PATJ: variants seen among roughly 807,000 people sequenced by gnomAD.
The protein encoded by PATJ is inaD-like protein.
A neutral mutation model predicts 224.9 loss-of-function variants in PATJ; 190 were observed. The observed-to-expected ratio is 0.84, with a 90% CI of 0.75 to 0.95. The LOEUF (loss-of-function observed/expected upper bound fraction) is 0.95, where lower values mean the gene tolerates loss of function less well. Ranked by LOEUF, PATJ falls within the 40% of genes least tolerant of loss-of-function variation. PATJ has a pLI of 0.00. For missense variants in PATJ, 2,121 were observed against 2,270.3 expected, an observed-to-expected ratio of 0.93 and a Z score of 1.34; for synonymous variants, 769 against 820.3, an observed-to-expected ratio of 0.94 and a Z score of 1.07.
chr1:61,990,113 C>T, intron 27 of PATJ, 55 bp from the exon 28 acceptor site: 1 of 1,257,600 alleles, frequency 8.0e-7, no homozygotes, highest in Non-Finnish European at 1.1e-6. Context: ...ATGCTGACAT[C>T]TCAATAATAC....
rs185797985 is a variant in PATJ at position 62,033,985 on chromosome 1, C to T, written c.3960-3992C>T. 3.0e-4 allele frequency among the ~76,000 whole-genome samples: 45 copies of T among 152,218 alleles called. 1 individual carries two copies. In the East Asian group the frequency reaches 5.0e-3, roughly 17 times the overall value. On this transcript the variant is annotated intron_variant, in intron 29 of 43. Coordinates refer to ENST00000642238, the MANE Select transcript of PATJ (RefSeq NM_001350145.3). Reference sequence around the variant, plus strand: ...CAATGAGGACACACATGCAGTGTTCCGTGCTCTGGAAAACAGGTCTCACCC... The same window carrying T: ...CAATGAGGACACACATGCAGTGTTCTGTGCTCTGGAAAACAGGTCTCACCC...
intron 22 of PATJ, 68 bp from the exon 23 acceptor site, chr1:61,899,515 C>T (rs1670827083): frequency 9.6e-7 from 1 of 1,046,464 alleles, no homozygotes; most frequent in South Asian, 1.8e-5. Flanking sequence ...ATTTCAAAAC[C>T]TTCCAAGGAC....
intron 14 of PATJ, among the ~76,000 whole-genome samples, chr1:61,814,917 A>G (rs1655798066): frequency 6.6e-6 from 1 of 152,136 alleles, no homozygotes; most frequent in African/African-American, 2.4e-5. Flanking sequence ...TGAACTATTT[A>G]CTGAGCTCCT....
intron 8 of PATJ, among the ~76,000 whole-genome samples, chr1:61,788,646 A>C (rs1013486376): frequency 1.3e-5 from 2 of 151,920 alleles, no homozygotes; most frequent in African/African-American, 4.8e-5. Flanking sequence ...CAAAGAAATA[A>C]GTTTTTTGTT....
chr1:62,014,409 T>G (rs577587197), intron 28 of PATJ, among the ~76,000 whole-genome samples: 6 of 152,108 alleles, frequency 3.9e-5, no homozygotes, highest in Non-Finnish European at 7.3e-5. Flanking sequence ...TAATTATAAA[T>G]TAACGAGATT....
intron 27 of PATJ, among the ~76,000 whole-genome samples, chr1:61,930,497 G>A (rs575454304): frequency 6.6e-5 from 10 of 152,274 alleles, no homozygotes; most frequent in South Asian, 4.1e-4. Flanking sequence ...ATTCTGAAGC[G>A]GATGGCTGCA....
intron 41 of PATJ, among the ~76,000 whole-genome samples, chr1:62,130,562 A>T (rs1397407794): frequency 1.3e-5 from 2 of 151,628 alleles, no homozygotes; most frequent in Admixed American, 6.6e-5. Context: ...TTAGAAAAAA[A>T]GAAAAACTGC....
chr1:61,864,754 T>C (rs1343791078), intron 20 of PATJ, 121 bp downstream of exon 20: 2 of 801,478 alleles, frequency 2.5e-6, no homozygotes, highest in Middle Eastern at 2.3e-4. Context: ...AAGTCGTCAC[T>C]GTTTACAAGA....
Position 61,771,486 on chromosome 1 carries a change from GATC to G in PATJ, c.582_584del (p.Asp194_Gln195delinsGlu), listed in dbSNP as rs772529452. 1.2e-6 allele frequency: 2 copies of G among 1,611,904 alleles called. No individual in the cohort carries two copies. The highest frequency in any genetic ancestry group is 1.7e-6 in the Non-Finnish European group (2 of 1,179,236). On this transcript the variant is annotated inframe_deletion, in exon 6 of 44. Transcript: ENST00000642238. ...ATTGGCCATTAATCACACGCCATTG[GATC>G]AGAACATTTCCCATCAGCAAGCAAT... is the stretch of plus-strand genomic sequence containing the variant.
chr1:61,889,681 G>A (rs1557827879), intron 22 of PATJ, among the ~76,000 whole-genome samples: 1 of 152,208 alleles, frequency 6.6e-6, no homozygotes, highest in Admixed American at 6.5e-5. Flanking sequence ...TATAGCGTAT[G>A]GATATGCTGG....
intron 41 of PATJ, among the ~76,000 whole-genome samples, chr1:62,144,275 C>T (rs74469018): frequency 0.036 from 5,428 of 151,570 alleles, 176 homozygotes; most frequent in South Asian, 0.13. Context: ...TACAGTGGTA[C>T]TTCCAGAAGA....
chr1:61,861,599 G>A lies in PATJ; in HGVS notation c.2371G>A (p.Glu791Lys). 6.7e-7 allele frequency: 1 copy of A among 1,499,324 alleles called. No homozygotes were observed. Among genetic ancestry groups the A allele is most frequent in the Non-Finnish European group, 9.0e-7 (1 of 1,114,678 alleles). 92.9% of individuals were successfully genotyped at this position (1,499,324 alleles called of 1,614,324 possible). A position where few individuals can be genotyped will look rare whatever the true frequency, so the allele number is the denominator to read the frequency against. Residue 791 changes from glutamate (E) to lysine (K), a missense_variant, in exon 19 of 44, where the codon GAA becomes AAA. Physicochemically the swap from Glu to Lys is moderately conservative, Grantham distance 56. Coordinates refer to ENST00000642238, the MANE Select transcript of PATJ (RefSeq NM_001350145.3). Reference sequence around the variant, plus strand: ...TTATATTTTACATTCAAGCAGTAATGAAGACAAGACTGAATTTTCAGGAAC... The same window carrying A: ...TTATATTTTACATTCAAGCAGTAATAAAGACAAGACTGAATTTTCAGGAAC... ...SCYILHSSSN[E>K]DKTEFSGTIH...
chr1:62,006,555 G>A (rs182005979), intron 28 of PATJ, among the ~76,000 whole-genome samples: 3 of 152,328 alleles, frequency 2.0e-5, no homozygotes, highest in East Asian at 3.9e-4. Flanking sequence ...AGTTTGTATA[G>A]TATAACAAAA....
Position 61,795,529 on chromosome 1 carries a change from C to T in PATJ, c.1231C>T (p.His411Tyr), listed in dbSNP as rs201756041. 1.2e-6 allele frequency: 2 copies of T among 1,609,134 alleles called. No individual in the cohort carries two copies. The highest frequency in any genetic ancestry group is 2.2e-5 in the South Asian group (2 of 90,556). ...IPGSAAYHNG[H>Y]IQVNDKIVAV... ...TGGCAGTGCTGCGTACCACAATGGC[C>T]ACATTCAAGTGAATGACAAAATAGT... The change falls in exon 10 of 44, where the codon CAC becomes TAC. Residue 411 changes from histidine (H) to tyrosine (Y), a missense_variant. By Grantham distance (83) the His-to-Tyr change is moderately conservative. Coordinates refer to ENST00000642238, the MANE Select transcript of PATJ (RefSeq NM_001350145.3).
intron 27 of PATJ, among the ~76,000 whole-genome samples, chr1:61,947,309 T>C (rs1678890798): frequency 2.6e-5 from 4 of 152,116 alleles, no homozygotes; most frequent in Admixed American, 6.5e-5. Flanking sequence ...GATTGTATAT[T>C]TAGAAAACCC....
chr1:61,991,658 C>T (rs1345816841), intron 28 of PATJ: 2 of 985,174 alleles, frequency 2.0e-6, no homozygotes, highest in East Asian at 1.1e-4. Context: ...TCCAGGATTA[C>T]TTTTCTTTTC....
Position 62,161,121 on chromosome 1 carries a change from T to G in PATJ, c.*67T>G, listed in dbSNP as rs189180213. 2.8e-5 allele frequency: 37 copies of G among 1,304,350 alleles called. No homozygotes were observed. Among genetic ancestry groups the G allele is most frequent in the South Asian group, 1.1e-4 (5 of 44,646 alleles). 80.8% of individuals were successfully genotyped at this position (1,304,350 alleles called of 1,614,324 possible). A position where few individuals can be genotyped will look rare whatever the true frequency, so the allele number is the denominator to read the frequency against. ...ATCCACAGGCAGATGAAGTTCTGAG[T>G]GGGTATGAAAAGCACCCTCAACTAA... On this transcript the variant is annotated 3_prime_UTR_variant, in exon 44 of 44. Coordinates refer to ENST00000642238, the MANE Select transcript of PATJ (RefSeq NM_001350145.3).
chr1:61,814,560 G>GCA (rs1570668442), intron 14 of PATJ, among the ~76,000 whole-genome samples: 2 of 151,418 alleles, frequency 1.3e-5, no homozygotes, highest in East Asian at 3.9e-4. Context: ...GCGCGCGCGC[G>GCA]CATGTATGTG....
chr1:62,011,448 A>G (rs1038932436), intron 28 of PATJ, among the ~76,000 whole-genome samples: 2 of 152,226 alleles, frequency 1.3e-5, no homozygotes, highest in Non-Finnish European at 2.9e-5. Flanking sequence ...GCAGCTGGTC[A>G]GTGGAGTAAT....
Sources: allele counts gnomAD v4.1 joint callset (sites outside exome capture counted in the v4.1 genomes callset), GRCh38; gene constraint gnomAD v4.1.1; transcripts MANE v1.5; gene names NCBI Gene and HGNC (gene_info 2026-07-23, HGNC 2026-07-21).